Variants in WWOX observed in about 807,000 individuals in gnomAD.
The protein encoded by WWOX is WW domain-containing oxidoreductase.
A neutral mutation model predicts 46.2 loss-of-function variants in WWOX; 69 were observed. That is an observed-to-expected ratio of 1.49 (90% CI 1.23 to 1.82). WWOX has a LOEUF of 1.82. Ranked by LOEUF, WWOX falls within the 40% of genes most tolerant of loss-of-function variation. WWOX has a pLI of 0.00. For missense variants in WWOX, 919 were observed against 542.6 expected (o/e 1.69, Z -6.89); for synonymous variants, 359 against 202.6 (o/e 1.77, Z -6.56).
chr16:78,268,173 G>A (rs2151843613), intron 5 of WWOX, among the ~76,000 whole-genome samples: 1 of 152,222 alleles, frequency 6.6e-6, no homozygotes, highest in Non-Finnish European at 1.5e-5. Flanking sequence ...GACCAAGGCT[G>A]GAAGTACTTC....
At chr16:78,516,477 G>T (rs2043238021) in intron 8 of WWOX, among the ~76,000 whole-genome samples, 1 of 152,144 alleles carries the variant, frequency 6.6e-6, no homozygotes, top group Non-Finnish European at 1.5e-5. Flanking sequence ...GAGCTTTCCA[G>T]ACATTTGGAA....
At position 78,709,854 on chromosome 16, in the gene WWOX, G is replaced by T. The variant is rs536375493; in HGVS notation, c.1056+277102G>T. On this transcript the variant is annotated intron_variant, in intron 8 of 8. Coordinates refer to ENST00000566780, the MANE Select transcript of WWOX (RefSeq NM_016373.4). ...AGTGATTCTCCTGCCTGAGCCTCCC[G>T]AGTAACTGGGATTACAGGCACCCGC... 2.0e-5 allele frequency among the ~76,000 whole-genome samples: 3 copies of T among 151,418 alleles called. No individual in the cohort carries two copies. The East Asian group carries it at 5.9e-4, about 30-fold the overall frequency.
intron 8 of WWOX, among the ~76,000 whole-genome samples, chr16:78,647,840 T>C (rs2046879271): frequency 6.6e-6 from 1 of 152,234 alleles, no homozygotes; most frequent in Non-Finnish European, 1.5e-5. Context: ...GGAATATTTC[T>C]GGCTTTGGGG....
intron 8 of WWOX, among the ~76,000 whole-genome samples, chr16:78,985,016 C>G (rs774954356): frequency 3.9e-5 from 6 of 152,154 alleles, no homozygotes; most frequent in Non-Finnish European, 7.3e-5. Flanking sequence ...TTGCCCAGCT[C>G]CAAGTGTTGC....
chr16:78,431,890 AT>A (rs944134722), intron 7 of WWOX, among the ~76,000 whole-genome samples: 4 of 151,868 alleles, frequency 2.6e-5, no homozygotes, highest in Admixed American at 2.0e-4. Flanking sequence ...CTAATTGTTT[AT>A]TTTTTGTAGA....
chr16:78,315,055 A>G (rs1176251723), intron 5 of WWOX, among the ~76,000 whole-genome samples: 1 of 152,086 alleles, frequency 6.6e-6, no homozygotes, highest in Non-Finnish European at 1.5e-5. Flanking sequence ...TCCACCATCT[A>G]TCAATCATCT....
chr16:79,171,008 C>G (rs1597442861), intron 8 of WWOX, among the ~76,000 whole-genome samples: 1 of 152,162 alleles, frequency 6.6e-6, no homozygotes, highest in Non-Finnish European at 1.5e-5. Flanking sequence ...GGAAATGTTT[C>G]CAAGAATAGA....
chr16:78,770,225 C>G (rs909747452), intron 8 of WWOX, among the ~76,000 whole-genome samples: 2 of 151,922 alleles, frequency 1.3e-5, no homozygotes, highest in African/African-American at 4.8e-5. Flanking sequence ...GTGGTGTGCT[C>G]CTGTAGTTCC....
At chr16:78,391,323 G>C (rs1052666007) in intron 6 of WWOX, among the ~76,000 whole-genome samples, 2 of 152,156 alleles carry the variant, frequency 1.3e-5, no homozygotes, top group African/African-American at 2.4e-5. Flanking sequence ...CATGTATTCT[G>C]TCTGTAGTTT....
intron 6 of WWOX, among the ~76,000 whole-genome samples, chr16:78,387,626 C>A (rs557736243): frequency 6.6e-6 from 1 of 152,010 alleles, no homozygotes; most frequent in African/African-American, 2.4e-5. Flanking sequence ...AGGCCTCAAA[C>A]CCTGAAACAC....
At chr16:78,246,672 A>C (rs1239116517) in intron 5 of WWOX, among the ~76,000 whole-genome samples, 1 of 152,226 alleles carries the variant, frequency 6.6e-6, no homozygotes, top group Non-Finnish European at 1.5e-5. Flanking sequence ...CTTTGCTTTT[A>C]AATGCCCGTG....
chr16:78,211,525 C>G (rs2036559622), intron 5 of WWOX, among the ~76,000 whole-genome samples: 1 of 152,104 alleles, frequency 6.6e-6, no homozygotes, highest in South Asian at 2.1e-4. Context: ...ATCTTGAAGC[C>G]ACTTGCAGAC....
intron 8 of WWOX, among the ~76,000 whole-genome samples, chr16:78,819,314 C>A (rs1294685301): frequency 6.6e-6 from 1 of 152,120 alleles, no homozygotes; most frequent in African/African-American, 2.4e-5. Context: ...CACACCGGAC[C>A]AAATTGAGGA....
intron 5 of WWOX, among the ~76,000 whole-genome samples, chr16:78,262,377 C>G (rs574799335): frequency 6.6e-6 from 1 of 152,280 alleles, no homozygotes; most frequent in African/African-American, 2.4e-5. Context: ...TTACAGAAGT[C>G]TACATTTGCT....
At chr16:79,105,367 G>C (rs1002856687) in intron 8 of WWOX, among the ~76,000 whole-genome samples, 1 of 152,064 alleles carries the variant, frequency 6.6e-6, no homozygotes, top group African/African-American at 2.4e-5. Context: ...TCAGAGAAAA[G>C]GGCACCAACT....
intron 8 of WWOX, among the ~76,000 whole-genome samples, chr16:79,178,118 T>C (rs948948597): frequency 1.3e-5 from 2 of 152,192 alleles, no homozygotes; most frequent in Non-Finnish European, 2.9e-5. Context: ...TATTATCACA[T>C]TGGAGATTCC....
chr16:78,120,627 G>A (rs1479584634), intron 4 of WWOX, among the ~76,000 whole-genome samples: 1 of 151,678 alleles, frequency 6.6e-6, no homozygotes, highest in Non-Finnish European at 1.5e-5. Context: ...TGTAATTATA[G>A]TGTGATGTTG....
intron 8 of WWOX, among the ~76,000 whole-genome samples, chr16:78,716,068 GA>G (rs112482262): frequency 0.051 from 7,544 of 148,606 alleles, 354 homozygotes; most frequent in African/African-American, 0.13. Context: ...AAGGAAAGGG[GA>G]AAAAAAAAAT....
At chr16:78,824,857 G>C (rs753996227) in intron 8 of WWOX, among the ~76,000 whole-genome samples, 1 of 152,154 alleles carries the variant, frequency 6.6e-6, no homozygotes, top group African/African-American at 2.4e-5. Flanking sequence ...CAGGGTCCTA[G>C]GCAACTTTGT....
Sources: gnomAD v4.1 joint callset for allele counts (sites outside exome capture counted in the v4.1 genomes callset) on GRCh38, gnomAD v4.1.1 for gene constraint, MANE v1.5 for transcripts, NCBI Gene and HGNC (gene_info 2026-07-23, HGNC 2026-07-21) for gene names.